The following SPACA3 variants were observed in gnomAD, a reference collection of about 807,000 sequenced individuals.
SPACA3 encodes sperm acrosome associated 3, also known as sperm acrosome membrane-associated protein 3.
A neutral mutation model predicts 24.5 loss-of-function variants in SPACA3; 21 were observed. That is an observed-to-expected ratio of 0.86 (90% CI 0.61 to 1.24). SPACA3 has a LOEUF of 1.24. SPACA3 is among the 50% of genes most tolerant of loss of function. The probability of loss-of-function intolerance (pLI) is 0.00; values close to 1 mark genes in which losing one functional copy is unlikely to be tolerated. For missense variants in SPACA3, 278 were observed against 275.5 expected (o/e 1.01, Z -0.06); for synonymous variants, 115 against 106.9 (o/e 1.08, Z -0.47).
chr17:32,996,299 G>A (rs1024892062), intron 2 of SPACA3, among the ~76,000 whole-genome samples: 2 of 152,110 alleles, frequency 1.3e-5, no homozygotes, highest in Admixed American at 6.5e-5. Context: ...GACCAGCCAG[G>A]CCAATATGGC....
chr17:32,992,186 C>CAAAAAAAAAAAAAAAAAAAAAAAAAA (rs10591674), intron 1 of SPACA3, among the ~76,000 whole-genome samples: 1 of 113,566 alleles, frequency 8.8e-6, no homozygotes, highest in Non-Finnish European at 1.8e-5. Flanking sequence ...CACTTTTCTA[C>CAAAAAAAAAAAAAAAAAAAAAAAAAA]AAAAAAAAAA....
intron 1 of SPACA3, chr17:32,992,808 T>C (rs1409676014): frequency 1.6e-5 from 7 of 446,292 alleles, no homozygotes; most frequent in Non-Finnish European, 2.8e-5. Flanking sequence ...AATGAGGGAG[T>C]GGGCCGCAGG....
At chr17:32,997,344 TAGAGAG>T in intron 3 of SPACA3, 95 bp from the exon 4 acceptor site, 3 of 602,088 alleles carry the variant, frequency 5.0e-6, no homozygotes, top group Non-Finnish European at 8.6e-6. Context: ...TGTGTGTGTG[TAGAGAG>T]AGAGAGAGAG....
intron 1 of SPACA3, among the ~76,000 whole-genome samples, chr17:32,992,186 C>CAAA (rs10591674): frequency 7.6e-4 from 86 of 113,494 alleles, no homozygotes; most frequent in African/African-American, 2.0e-3. Context: ...CACTTTTCTA[C>CAAA]AAAAAAAAAA....
intron 3 of SPACA3, among the ~76,000 whole-genome samples, 162 bp from the exon 4 acceptor site, chr17:32,997,283 T>C (rs559886777): frequency 2.7e-5 from 4 of 149,958 alleles, no homozygotes; most frequent in African/African-American, 9.9e-5. Flanking sequence ...TCCGGAGTGG[T>C]TGAGACAGGA....
At chr17:32,997,081 C>A in intron 3 of SPACA3, 80 bp downstream of exon 3, 1 of 1,446,822 alleles carries the variant, frequency 6.9e-7, no homozygotes, top group South Asian at 1.5e-5. Flanking sequence ...AGTTTGCTAC[C>A]CCCATCTCTG....
intron 1 of SPACA3, chr17:32,992,712 C>T (rs1354909456): frequency 2.7e-6 from 1 of 364,642 alleles, no homozygotes; most frequent in Non-Finnish European, 5.4e-6. Context: ...CAGAGTTAAC[C>T]ATGTAGAGGA....
intron 3 of SPACA3, 138 bp from the exon 4 acceptor site, chr17:32,997,307 A>C: frequency 1.4e-6 from 1 of 707,588 alleles, no homozygotes; most frequent in Non-Finnish European, 2.3e-6. Context: ...GATTTAGGCG[A>C]GTGGAGTGTG....
At chr17:32,994,113 G>A (rs575349674) in intron 1 of SPACA3, among the ~76,000 whole-genome samples, 1 of 152,154 alleles carries the variant, frequency 6.6e-6, no homozygotes, top group South Asian at 2.1e-4. Flanking sequence ...GGGTGGGACA[G>A]CGTGGCGTGC....
At position 32,996,896 on chromosome 17, in the gene SPACA3, G is replaced by A. The variant is rs1487806532; in HGVS notation, c.397G>A (p.Glu133Lys). The change falls in exon 3 of 5, where the codon GAG becomes AAG. Residue 133 changes from glutamate to lysine, a missense_variant. Physicochemically the swap from Glu to Lys is moderately conservative, Grantham distance 56. Coordinates refer to ENST00000269053, the MANE Select transcript of SPACA3 (RefSeq NM_173847.5). ...SGFNAAALDY[E>K]ADGSTNNGIF... is the part of the protein sequence containing the mutation. ...TTTCAACGCAGCTGCTTTGGACTAC[G>A]AGGCTGATGGGAGCACCAACAACGG... 3.1e-6 allele frequency: 5 copies of A among 1,610,418 alleles called. No homozygotes were observed. Among genetic ancestry groups the A allele is most frequent in the Non-Finnish European group, 2.5e-6 (3 of 1,178,398 alleles).
Position 32,994,292 on chromosome 17 carries a change from T to A in SPACA3, c.35-1117T>A, listed in dbSNP as rs571874559. Among the ~76,000 whole-genome samples, 7 of 152,258 alleles carry A rather than the reference T, an allele frequency of 4.6e-5. No individual in the cohort carries two copies. The South Asian group carries it at 8.3e-4, about 18-fold the overall frequency. Reference sequence around the variant, plus strand: ...TGTGCCCACGCCTTTTCTCATTTATTCTTCCAACAATCATATGAGGCAGGT... The same window carrying A: ...TGTGCCCACGCCTTTTCTCATTTATACTTCCAACAATCATATGAGGCAGGT... On this transcript the variant is annotated intron_variant, in intron 1 of 4. Coordinates refer to ENST00000269053, the MANE Select transcript of SPACA3 (RefSeq NM_173847.5).
chr17:32,991,985 T>C lies in SPACA3; in HGVS notation c.34+13T>C, dbSNP rs750874848. 1.2e-6 allele frequency: 2 copies of C among 1,613,554 alleles called. No individual in the cohort carries two copies. The highest frequency in any genetic ancestry group is 4.5e-5 in the East Asian group (2 of 44,872). ...GCACCCCTGATCAGTGAGCCCCCTT[T>C]CCCTTCTTCCTGGGGCTGTTAACAG... On this transcript the variant is annotated intron_variant, in intron 1 of 4. Coordinates refer to ENST00000269053, the MANE Select transcript of SPACA3 (RefSeq NM_173847.5).
In SPACA3 at chr17:32,995,448, G is replaced by T; in HGVS notation, c.74G>T (p.Gly25Val). The change falls in exon 2 of 5, where the codon GGA (glycine) becomes GTA (valine). Residue 25 changes from glycine (G) to valine (V), a missense_variant. Physicochemically the swap from Gly to Val is moderately radical, Grantham distance 109. Coordinates refer to ENST00000269053, the MANE Select transcript of SPACA3 (RefSeq NM_173847.5). ...CCTGTTTCTTCTCCTTCTGTGAGTG[G>T]ACCACGGAGGCTGGTGAGCTGCCTG... ...SSPVSSPSVS[G>V]PRRLVSCLSS... is the part of the protein sequence containing the mutation. 3 of 1,612,200 alleles carry T rather than the reference G, an allele frequency of 1.9e-6. No homozygotes were observed. Among genetic ancestry groups the T allele is most frequent in the Middle Eastern group, 3.3e-4 (2 of 6,050 alleles).
chr17:32,993,846 C>T (rs12952735), intron 1 of SPACA3, among the ~76,000 whole-genome samples: 20,474 of 151,760 alleles, frequency 0.13, 1,909 homozygotes, highest in Non-Finnish European at 0.21. Flanking sequence ...GGTGCTAGCG[C>T]GCCGGGAGAG....
rs1440358907 is a variant in SPACA3 at position 32,995,708 on chromosome 17, C to T, written c.334C>T (p.Leu112=). 1 of 1,611,830 alleles carries T rather than the reference C, an allele frequency of 6.2e-7. No individual in the cohort carries two copies. The highest frequency in any genetic ancestry group is 1.3e-5 in the African/African-American group (1 of 75,000). Reference sequence around the variant, plus strand: ...GCTGGACGGATACCGGGGATACAGCCTGGCTGACTGTGAGAACCCCTCTCC... The same window carrying T: ...GCTGGACGGATACCGGGGATACAGCTTGGCTGACTGTGAGAACCCCTCTCC... ...FGLDGYRGYS[L]ADWVCLAYFT... The change falls in exon 2 of 5, where the codon CTG becomes TTG. Residue 112 remains leucine, a synonymous_variant. Coordinates refer to ENST00000269053, the MANE Select transcript of SPACA3 (RefSeq NM_173847.5).
chr17:32,994,397 G>A (rs2091709797), intron 1 of SPACA3, among the ~76,000 whole-genome samples: 1 of 152,224 alleles, frequency 6.6e-6, no homozygotes, highest in Non-Finnish European at 1.5e-5. Context: ...AAGGAGCAGA[G>A]GGGGGCTTCC....
chr17:32,995,643 A>G lies in SPACA3; in HGVS notation c.269A>G (p.Tyr90Cys), dbSNP rs1275690080. 4 of 1,614,198 alleles carry G rather than the reference A, an allele frequency of 2.5e-6. No individual in the cohort carries two copies. The highest frequency in any genetic ancestry group is 3.4e-6 in the Non-Finnish European group (4 of 1,180,036). Residue 90 changes from tyrosine (Y) to cysteine (C), a missense_variant, in exon 2 of 5, where the codon TAC (tyrosine) becomes TGC (cysteine). Transcript: ENST00000269053. ...CTACCCTCCAGTGAGGCCAAGCTCT[A>G]CGGTCGTTGTGAACTGGCCAGAGTG... ...CLLPSSEAKL[Y>C]GRCELARVLH...
chr17:32,995,338 G>A, intron 1 of SPACA3, 71 bp from the exon 2 acceptor site: 5 of 1,431,094 alleles, frequency 3.5e-6, no homozygotes, highest in Non-Finnish European at 3.8e-6. Flanking sequence ...GATCAGGAAT[G>A]CAAGGGGGCT....
At position 32,995,726 on chromosome 17, in the gene SPACA3, C is replaced by A. The variant is rs1449208406; in HGVS notation, c.343+9C>A. ...ATACAGCCTGGCTGACTGTGAGAACCCCTCTCCCTGGCGGGCCCTGACTTC... is the reference window on the plus strand; with the variant it reads ...ATACAGCCTGGCTGACTGTGAGAACACCTCTCCCTGGCGGGCCCTGACTTC... On this transcript the variant is annotated intron_variant, in intron 2 of 4. Coordinates refer to ENST00000269053, the MANE Select transcript of SPACA3 (RefSeq NM_173847.5). 6.8e-6 allele frequency: 11 copies of A among 1,607,636 alleles called. No homozygotes were observed. The highest frequency in any genetic ancestry group is 1.3e-5 in the African/African-American group (1 of 74,786).
Sources: gnomAD v4.1 joint callset for allele counts (sites outside exome capture counted in the v4.1 genomes callset) on GRCh38, gnomAD v4.1.1 for gene constraint, MANE v1.5 for transcripts, NCBI Gene and HGNC (gene_info 2026-07-23, HGNC 2026-07-21) for gene names.